The following ASPH variants were observed in gnomAD, a reference collection of about 807,000 sequenced individuals.
ASPH encodes aspartyl/asparaginyl beta-hydroxylase.
Under a neutral mutation model 118.4 loss-of-function variants are expected in ASPH, and 100 were observed. That is an observed-to-expected ratio of 0.84 (90% CI 0.72 to 1.00). The LOEUF (loss-of-function observed/expected upper bound fraction) is 1.00. Ranked by LOEUF, ASPH falls within the 50% of genes least tolerant of loss-of-function variation. ASPH has a pLI of 0.00. For synonymous variants in ASPH, 315 were observed against 325.6 expected (o/e 0.97, Z 0.35); for missense variants, 920 against 919.5 (o/e 1.00, Z -0.01).
chr8:61,513,903 T>G (rs1007567772), intron 24 of ASPH, among the ~76,000 whole-genome samples: 3 of 152,164 alleles, frequency 2.0e-5, no homozygotes, highest in Non-Finnish European at 4.4e-5. Context: ...TTATCAAGCA[T>G]GGACACAAGG....
chr8:61,605,120 A>C (rs553260455), intron 14 of ASPH, among the ~76,000 whole-genome samples: 1 of 152,334 alleles, frequency 6.6e-6, no homozygotes, highest in African/African-American at 2.4e-5. Flanking sequence ...GTTTGTTTTC[A>C]CATATAAACA....
At chr8:61,609,528 G>C (rs555593420) in intron 14 of ASPH, among the ~76,000 whole-genome samples, 2 of 152,188 alleles carry the variant, frequency 1.3e-5, no homozygotes, top group Non-Finnish European at 2.9e-5. Flanking sequence ...AAGAGGAAAG[G>C]CATGACTGAC....
At chr8:61,521,878 C>T (rs1461264823) in intron 22 of ASPH, among the ~76,000 whole-genome samples, 1 of 152,202 alleles carries the variant, frequency 6.6e-6, no homozygotes. Context: ...CAAGGCTCTG[C>T]TTCTGGGGCA....
At chr8:61,624,746 T>C in intron 13 of ASPH, 1 of 985,202 alleles carries the variant, frequency 1.0e-6, no homozygotes, top group Non-Finnish European at 1.2e-6. Flanking sequence ...CAAAACTTAC[T>C]TTTACTCATT....
In ASPH at chr8:61,518,132, AATAAC is replaced by A. The variant is rs762871347; in HGVS notation, c.1901-14_1901-10del. ...ATTTTCATTTCTTCTTCCTAGAATA[AATAAC>A]ATAATTGTTGGAAACAAATCACAGT... is the stretch of plus-strand genomic sequence containing the variant. On this transcript the variant is annotated splice_polypyrimidine_tract_variant and intron_variant, in intron 22 of 24. Transcript: ENST00000379454. 2.5e-6 allele frequency: 4 copies of A among 1,607,770 alleles called. No individual in the cohort carries two copies. The highest frequency in any genetic ancestry group is 3.3e-5 in the Admixed American group (2 of 59,922).
chr8:61,557,277 C>A (rs1042219018), intron 18 of ASPH, among the ~76,000 whole-genome samples: 5 of 152,096 alleles, frequency 3.3e-5, no homozygotes, highest in African/African-American at 1.2e-4. Context: ...TGGAACCACC[C>A]CCAAGGCCTC....
chr8:61,678,180 T>A (rs1370274713), intron 3 of ASPH, among the ~76,000 whole-genome samples: 1 of 152,098 alleles, frequency 6.6e-6, no homozygotes, highest in Non-Finnish European at 1.5e-5. Flanking sequence ...CCTGATACGA[T>A]GCCAGCTAGG....
chr8:61,531,737 T>A (rs1405399444), intron 21 of ASPH, among the ~76,000 whole-genome samples: 1 of 152,114 alleles, frequency 6.6e-6, no homozygotes, highest in Non-Finnish European at 1.5e-5. Flanking sequence ...CTCTATTCTC[T>A]GCTTCTATGA....
At chr8:61,535,947 T>G (rs967292056) in intron 21 of ASPH, among the ~76,000 whole-genome samples, 1 of 152,026 alleles carries the variant, frequency 6.6e-6, no homozygotes, top group African/African-American at 2.4e-5. Context: ...TTACTAGCAT[T>G]AAAGTGTAAT....
At chr8:61,684,017 A>G (rs756765051) in intron 2 of ASPH, 22 bp downstream of exon 2, 2 of 1,611,438 alleles carry the variant, frequency 1.2e-6, no homozygotes, top group African/African-American at 1.3e-5. Context: ...ACAAATTCAC[A>G]TAAGGATATC....
At chr8:61,661,308 TTGAG>T (rs1375038898) in intron 3 of ASPH, 1 of 152,220 alleles carries the variant, frequency 6.6e-6, no homozygotes, top group Non-Finnish European at 1.5e-5. Context: ...GACGTTTTGG[TTGAG>T]TATTACTATT....
intron 21 of ASPH, among the ~76,000 whole-genome samples, chr8:61,544,354 T>C (rs1823032986): frequency 6.6e-6 from 1 of 152,242 alleles, no homozygotes; most frequent in Admixed American, 6.5e-5. Context: ...TATGAAGACA[T>C]TCCCTCTGCC....
At chr8:61,705,623 C>T (rs557191216) in intron 1 of ASPH, among the ~76,000 whole-genome samples, 14 of 152,152 alleles carry the variant, frequency 9.2e-5, no homozygotes, top group Admixed American at 2.6e-4. Context: ...CAGAGGTGGA[C>T]GCAAGAAAGG....
intron 21 of ASPH, among the ~76,000 whole-genome samples, chr8:61,546,455 C>CAAAA (rs892279534): frequency 7.2e-5 from 11 of 152,022 alleles, no homozygotes; most frequent in Admixed American, 2.6e-4. Flanking sequence ...TGAAATTTGA[C>CAAAA]AAAAACAAAA....
chr8:61,567,678 T>C (rs949327366), intron 16 of ASPH, among the ~76,000 whole-genome samples: 2 of 152,208 alleles, frequency 1.3e-5, no homozygotes, highest in African/African-American at 4.8e-5. Flanking sequence ...TTCGTTCATT[T>C]AACAACTGTT....
chr8:61,505,514 A>G (rs1003244438), intron 24 of ASPH, among the ~76,000 whole-genome samples: 11 of 145,976 alleles, frequency 7.5e-5, no homozygotes, highest in Admixed American at 2.0e-4. Flanking sequence ...AAAAAAAAAA[A>G]GAAGTGCCTT....
At chr8:61,670,059 T>C (rs1333078129) in intron 3 of ASPH, among the ~76,000 whole-genome samples, 1 of 152,112 alleles carries the variant, frequency 6.6e-6, no homozygotes, top group East Asian at 1.9e-4. Context: ...CTTAAAAACA[T>C]AGCCAATAAT....
Position 61,685,756 on chromosome 8 carries a change from T to C in ASPH, c.104-1568A>G, listed in dbSNP as rs146924996. On this transcript the variant is annotated intron_variant, in intron 1 of 24. Transcript: ENST00000379454. ...GTATATATATGTACACTCAAACATA[T>C]ACATATATTTATCTACATGCCTACA... is the stretch of plus-strand genomic sequence containing the variant. 2.3e-3 allele frequency among the ~76,000 whole-genome samples: 342 copies of C among 151,984 alleles called. 2 individuals are homozygous for C. The highest frequency in any genetic ancestry group is 7.4e-3 in the African/African-American group (306 of 41,464).
At chr8:61,635,759 C>T (rs991147482) in intron 12 of ASPH, among the ~76,000 whole-genome samples, 20 of 152,216 alleles carry the variant, frequency 1.3e-4, no homozygotes, top group Middle Eastern at 3.4e-3. Context: ...AAATATATCT[C>T]GAGTTCAACA....
Sources: allele counts gnomAD v4.1 joint callset (sites outside exome capture counted in the v4.1 genomes callset), GRCh38; gene constraint gnomAD v4.1.1; transcripts MANE v1.5; gene names NCBI Gene and HGNC (gene_info 2026-07-23, HGNC 2026-07-21).